The following KCNH8 variants were observed in gnomAD, a reference collection of about 807,000 sequenced individuals.
KCNH8 encodes potassium voltage-gated channel subfamily H member 8.
KCNH8 carries 70 observed loss-of-function variants against 103.6 expected under a neutral mutation model. That is an observed-to-expected ratio of 0.68 (90% CI 0.56 to 0.82). The LOEUF is 0.82. Ranked by LOEUF, KCNH8 falls within the 40% of genes least tolerant of loss-of-function variation. The probability of loss-of-function intolerance (pLI) is 0.00; values close to 1 mark genes in which losing one functional copy is unlikely to be tolerated. For synonymous variants in KCNH8, 498 were observed against 489.4 expected, an observed-to-expected ratio of 1.02 and a Z score of -0.23; for missense variants, 1,217 against 1,329.9, an observed-to-expected ratio of 0.92 and a Z score of 1.32.
chr3:19,413,375 T>C (rs1321082323), intron 7 of KCNH8, among the ~76,000 whole-genome samples: 3 of 151,758 alleles, frequency 2.0e-5, no homozygotes, highest in African/African-American at 7.3e-5. Context: ...TGGGGACTAC[T>C]AGAGAAGGGA....
chr3:19,174,144 A>G (rs1462524529), intron 1 of KCNH8, among the ~76,000 whole-genome samples: 2 of 151,672 alleles, frequency 1.3e-5, no homozygotes, highest in Middle Eastern at 3.4e-3. Flanking sequence ...GGCAGGTAAC[A>G]TTTTCCCCCT....
At position 19,533,841 on chromosome 3, in the gene KCNH8, T is replaced by C. The variant is rs765435634; in HGVS notation, c.3066T>C (p.Pro1022=). ...ISPHSDSTLT[P]LQSISATLSS... The stretch of plus-strand genomic sequence containing the variant: ...CACATTCAGATTCTACGTTGACGCC[T>C]CTGCAGTCCATTTCAGCAACTCTCT... The change falls in exon 16 of 16, where the codon CCT becomes CCC. Residue 1022 remains proline (P), a synonymous_variant. Transcript: ENST00000328405. The C allele has an allele frequency of 3.7e-6, 6 of 1,614,070 alleles. No homozygotes were observed. The African/African-American group carries it at 5.3e-5, about 14-fold the overall frequency.
Position 19,467,557 on chromosome 3 carries a change from G to C in KCNH8, c.2040+10575G>C, listed in dbSNP as rs113858294. 4.7e-4 allele frequency among the ~76,000 whole-genome samples: 71 copies of C among 152,262 alleles called. 1 individual carries two copies. Among genetic ancestry groups the C allele is most frequent in the African/African-American group, 1.6e-3 (66 of 41,550 alleles). Reference sequence around the variant, plus strand: ...TGAACTCTAATGTATGAGTCAACTTGCCTTCAGTAGCCCATGGGGGCAGGG... The same window carrying C: ...TGAACTCTAATGTATGAGTCAACTTCCCTTCAGTAGCCCATGGGGGCAGGG... On this transcript the variant is annotated intron_variant, in intron 11 of 15. Transcript: ENST00000328405.
chr3:19,213,455 C>G (rs1172084739), intron 1 of KCNH8, among the ~76,000 whole-genome samples: 1 of 152,060 alleles, frequency 6.6e-6, no homozygotes, highest in Non-Finnish European at 1.5e-5. Flanking sequence ...GGTATTTCCC[C>G]CCTAGGATGT....
chr3:19,499,898 C>A (rs374870948), intron 11 of KCNH8, among the ~76,000 whole-genome samples: 1 of 152,060 alleles, frequency 6.6e-6, no homozygotes, highest in Non-Finnish European at 1.5e-5. Context: ...GCAAAATAAC[C>A]AGCTAACATC....
rs2069244748 is a variant in KCNH8, at chr3:19,535,179, T to C, written c.*1080T>C. The stretch of plus-strand genomic sequence containing the variant: ...TGAGGGAGAAAACCTGGGTGTGTCC[T>C]TTCCCAGTGCTTTTCTTTTACAAGA... On this transcript the variant is annotated 3_prime_UTR_variant, in exon 16 of 16. Transcript: ENST00000328405. The C allele has an allele frequency of 6.6e-6, 1 of 152,338 alleles. No individual in the cohort carries two copies. Among genetic ancestry groups the C allele is most frequent in the Non-Finnish European group, 1.5e-5 (1 of 68,036 alleles). The allele number at this position is 152,338 out of a possible 1,614,324, so 9.4% of individuals were successfully genotyped here.
chr3:19,224,209 A>G (rs1559430080), intron 1 of KCNH8, among the ~76,000 whole-genome samples: 1 of 152,178 alleles, frequency 6.6e-6, no homozygotes, highest in Non-Finnish European at 1.5e-5. Context: ...CATTTCTTGA[A>G]CATTAAATAA....
chr3:19,294,137 G>C (rs1357700263), intron 3 of KCNH8, among the ~76,000 whole-genome samples: 1 of 152,068 alleles, frequency 6.6e-6, no homozygotes, highest in African/African-American at 2.4e-5. Flanking sequence ...TAGAATCTCT[G>C]TTGCTGGTTA....
intron 5 of KCNH8, among the ~76,000 whole-genome samples, chr3:19,376,368 G>A (rs941140252): frequency 1.3e-5 from 2 of 152,144 alleles, no homozygotes; most frequent in African/African-American, 4.8e-5. Context: ...TTTTCCAGGT[G>A]CGTCTGTCAC....
rs566876286 is a variant in KCNH8, at chr3:19,203,987, G to A, written c.77-49667G>A. 4.6e-5 allele frequency among the ~76,000 whole-genome samples: 7 copies of A among 152,130 alleles called. No individual in the cohort carries two copies. The South Asian group carries it at 1.2e-3, about 27-fold the overall frequency. On this transcript the variant is annotated intron_variant, in intron 1 of 15. Coordinates refer to ENST00000328405, the MANE Select transcript of KCNH8 (RefSeq NM_144633.3). ...ATTTTTAGAAAGAATTTCATTTTGAGAATAGGTATTGAATAGTACATTTTA... is the reference window on the plus strand; with the variant it reads ...ATTTTTAGAAAGAATTTCATTTTGAAAATAGGTATTGAATAGTACATTTTA...
chr3:19,436,185 T>C (rs1450952075), intron 7 of KCNH8, among the ~76,000 whole-genome samples: 2 of 152,206 alleles, frequency 1.3e-5, no homozygotes, highest in African/African-American at 2.4e-5. Context: ...TATGAGATTA[T>C]TTTATGATAC....
chr3:19,453,606 C>A (rs2067483074), intron 10 of KCNH8, among the ~76,000 whole-genome samples: 1 of 152,082 alleles, frequency 6.6e-6, no homozygotes, highest in East Asian at 1.9e-4. Context: ...AATATGATGG[C>A]ATTAGGGGTG....
At chr3:19,504,222 A>G (rs1010417100) in intron 11 of KCNH8, among the ~76,000 whole-genome samples, 3 of 152,206 alleles carry the variant, frequency 2.0e-5, no homozygotes, top group African/African-American at 7.2e-5. Context: ...TAAAACCCAC[A>G]AGTGTAAAAA....
At chr3:19,163,100 GA>G (rs1355123144) in intron 1 of KCNH8, among the ~76,000 whole-genome samples, 2 of 151,308 alleles carry the variant, frequency 1.3e-5, no homozygotes, top group Non-Finnish European at 2.9e-5. Flanking sequence ...GCAATTTTAT[GA>G]AAAAAATAAA....
At chr3:19,210,976 A>G (rs74389486) in intron 1 of KCNH8, among the ~76,000 whole-genome samples, 4,234 of 152,278 alleles carry the variant, frequency 0.028, 201 homozygotes, top group African/African-American at 0.095. Flanking sequence ...TTTTATTTCA[A>G]TAATGCCTAG....
chr3:19,229,381 G>A lies in KCNH8; in HGVS notation c.77-24273G>A, dbSNP rs543747405. Among the ~76,000 whole-genome samples, 50 of 152,268 alleles carry A rather than the reference G, an allele frequency of 3.3e-4. No individual in the cohort carries two copies. The South Asian group carries it at 9.7e-3, about 30-fold the overall frequency. ...TCTGCCTGGCCATCCAGGCATTTCC[G>A]TATACCTTCTGAAATCTAGGTGGAG... On this transcript the variant is annotated intron_variant, in intron 1 of 15. Coordinates refer to ENST00000328405, the MANE Select transcript of KCNH8 (RefSeq NM_144633.3).
chr3:19,235,063 T>C (rs1270743678), intron 1 of KCNH8, among the ~76,000 whole-genome samples: 1 of 152,240 alleles, frequency 6.6e-6, no homozygotes, highest in Non-Finnish European at 1.5e-5. Flanking sequence ...TTTTGGTTTT[T>C]ATTTAGAAGT....
intron 2 of KCNH8, among the ~76,000 whole-genome samples, chr3:19,279,663 T>C (rs1278047244): frequency 1.3e-5 from 2 of 152,034 alleles, no homozygotes; most frequent in Middle Eastern, 3.4e-3. Flanking sequence ...GTGTAACTTA[T>C]GAGAGCAGCA....
At chr3:19,186,768 C>CAA (rs1489745718) in intron 1 of KCNH8, among the ~76,000 whole-genome samples, 1 of 151,960 alleles carries the variant, frequency 6.6e-6, no homozygotes, top group Non-Finnish European at 1.5e-5. Context: ...ATGTTGAAAT[C>CAA]ACTGTACAAA....
Sources: gnomAD v4.1 joint callset for allele counts (sites outside exome capture counted in the v4.1 genomes callset) on GRCh38, gnomAD v4.1.1 for gene constraint, MANE v1.5 for transcripts, NCBI Gene and HGNC (gene_info 2026-07-23, HGNC 2026-07-21) for gene names.